ERAP1: variants seen among roughly 807,000 people sequenced by gnomAD.
The protein encoded by ERAP1 is endoplasmic reticulum aminopeptidase 1.
In ERAP1, 86 loss-of-function variants were observed where a neutral mutation model predicts 103.7. That is an observed-to-expected ratio of 0.83 (90% CI 0.70 to 0.99). ERAP1 has a LOEUF of 0.99. ERAP1 is among the 50% of genes least tolerant of loss of function. The probability of loss-of-function intolerance (pLI) is 0.00; values close to 1 mark genes in which losing one functional copy is unlikely to be tolerated. For synonymous variants in ERAP1, 398 were observed against 402.4 expected, an observed-to-expected ratio of 0.99 and a Z score of 0.13; for missense variants, 1,009 against 1,128.4, an observed-to-expected ratio of 0.89 and a Z score of 1.52.
chr5:96,822,683 C>T, the ERAP1 span, among the ~76,000 whole-genome samples: 1 of 103,856 alleles, frequency 9.6e-6, no homozygotes, highest in Non-Finnish European at 1.9e-5. Context: ...TGAGATCAGC[C>T]TTGGTAACAT....
chr5:96,922,094 C>G, the ERAP1 span, among the ~76,000 whole-genome samples: 2 of 150,914 alleles, frequency 1.3e-5, no homozygotes, highest in African/African-American at 4.9e-5. Flanking sequence ...GTCAGGAGAT[C>G]GAGACCATCC....
At chr5:96,912,917 C>A in the ERAP1 span, 2 of 761,118 alleles carry the variant, frequency 2.6e-6, no homozygotes, top group Non-Finnish European at 4.1e-6. Context: ...ATGTGTATGG[C>A]TTTAACTTTA....
the ERAP1 span, among the ~76,000 whole-genome samples, chr5:96,821,815 A>G: frequency 6.6e-6 from 1 of 152,200 alleles, no homozygotes; most frequent in African/African-American, 2.4e-5. Context: ...CTTAAATTAT[A>G]GGAAATCTTC....
chr5:96,831,534 TTTAA>T, the ERAP1 span, among the ~76,000 whole-genome samples: 1 of 152,226 alleles, frequency 6.6e-6, no homozygotes, highest in African/African-American at 2.4e-5. Context: ...AGCACGTTCC[TTTAA>T]TTAATTATAA....
At chr5:96,875,574 G>A in the ERAP1 span, among the ~76,000 whole-genome samples, 1 of 151,776 alleles carries the variant, frequency 6.6e-6, no homozygotes, top group Non-Finnish European at 1.5e-5. Flanking sequence ...AAATCAACAG[G>A]CTTTGGTAAC....
chr5:96,777,293 A>G (rs1774473730), intron 18 of ERAP1, among the ~76,000 whole-genome samples: 1 of 152,190 alleles, frequency 6.6e-6, no homozygotes, highest in Non-Finnish European at 1.5e-5. Context: ...AAGGGTTATT[A>G]TCCTTTTCCC....
the ERAP1 span, among the ~76,000 whole-genome samples, chr5:96,874,032 A>G: frequency 2.6e-5 from 4 of 151,802 alleles, no homozygotes; most frequent in Non-Finnish European, 5.9e-5. Flanking sequence ...GAAATGGAAA[A>G]CTGAGACATG....
chr5:96,810,030 G>A (rs763725212), upstream of ERAP1, among the ~76,000 whole-genome samples: 1 of 152,208 alleles, frequency 6.6e-6, no homozygotes, highest in Non-Finnish European at 1.5e-5. Flanking sequence ...GATGTGGGCA[G>A]AAAGGAGCTG....
the ERAP1 span, chr5:96,919,526 A>G: frequency 6.6e-6 from 1 of 152,340 alleles, no homozygotes. Context: ...GTTTCCATAA[A>G]TATGCAGAGT....
the ERAP1 span, among the ~76,000 whole-genome samples, chr5:96,821,574 A>G: frequency 6.6e-6 from 1 of 152,206 alleles, no homozygotes; most frequent in Non-Finnish European, 1.5e-5. Flanking sequence ...ATGACCAGGT[A>G]CTGTGGTCAT....
chr5:96,885,693 A>G, the ERAP1 span, among the ~76,000 whole-genome samples: 1 of 152,246 alleles, frequency 6.6e-6, no homozygotes, highest in Non-Finnish European at 1.5e-5. Flanking sequence ...GAAAGGGCTC[A>G]GGGATAGAGG....
the ERAP1 span, among the ~76,000 whole-genome samples, chr5:96,894,980 G>A: frequency 1.3e-5 from 2 of 151,946 alleles, no homozygotes; most frequent in African/African-American, 2.4e-5. Flanking sequence ...ACTAGGAAAT[G>A]TTGGGCAGAT....
In ERAP1 at chr5:96,787,232, T is replaced by C. The variant is rs189087946; in HGVS notation, c.1680-683A>G. 6.1e-4 allele frequency among the ~76,000 whole-genome samples: 93 copies of C among 152,342 alleles called. 1 individual carries two copies. The highest frequency in any genetic ancestry group is 2.0e-3 in the African/African-American group (82 of 41,576). ...TATTTCCCAATTTTGATAATTGTAC[T>C]GTGGCTATGGTTATATAACTGAATG... On this transcript the variant is annotated intron_variant, in intron 11 of 18. Coordinates refer to ENST00000443439, the MANE Select transcript of ERAP1 (RefSeq NM_001040458.3).
At chr5:96,879,932 C>A in the ERAP1 span, 1 of 1,614,150 alleles carries the variant, frequency 6.2e-7, no homozygotes, top group Non-Finnish European at 8.5e-7. Flanking sequence ...CCTCTTTGTC[C>A]ACCCCAATCT....
upstream of ERAP1, among the ~76,000 whole-genome samples, chr5:96,809,841 G>T (rs1430264108): frequency 6.6e-6 from 1 of 152,082 alleles, no homozygotes; most frequent in Non-Finnish European, 1.5e-5. Context: ...TTATATTTTT[G>T]AATATGATGG....
the ERAP1 span, among the ~76,000 whole-genome samples, chr5:96,894,969 A>C: frequency 9.9e-5 from 15 of 152,120 alleles, no homozygotes; most frequent in African/African-American, 3.4e-4. Context: ...TAAATCTAAT[A>C]ACTAGGAAAT....
Position 96,765,213 on chromosome 5 carries a change from CT to C in ERAP1, c.2819-1986del. 2 of 1,542,482 alleles carry C rather than the reference CT, an allele frequency of 1.3e-6. No homozygotes were observed. Among genetic ancestry groups the C allele is most frequent in the Non-Finnish European group, 1.8e-6 (2 of 1,121,932 alleles). Reference sequence around the variant, plus strand: ...TGAGTGACTAATTCAGCATTATTTACTTTTCAGCAGAGTGACAAAGACCTCG... The same window carrying C: ...TGAGTGACTAATTCAGCATTATTTACTTTCAGCAGAGTGACAAAGACCTCG... On this transcript the variant is annotated intron_variant, in intron 19 of 19. Transcript: ENST00000296754.
At chr5:96,875,535 CA>C in the ERAP1 span, among the ~76,000 whole-genome samples, 84,014 of 134,754 alleles carry the variant, frequency 0.62, 24,831 homozygotes, top group Middle Eastern at 0.72. Flanking sequence ...GACCCTATCT[CA>C]AAAAAAAAAA....
chr5:96,859,444 T>C, the ERAP1 span, among the ~76,000 whole-genome samples: 1 of 152,082 alleles, frequency 6.6e-6, no homozygotes, highest in Non-Finnish European at 1.5e-5. Flanking sequence ...TGTGCTGGGA[T>C]ACTAGATTGG....
Sources: allele counts gnomAD v4.1 joint callset (sites outside exome capture counted in the v4.1 genomes callset), GRCh38; gene constraint gnomAD v4.1.1; transcripts MANE v1.5; gene names NCBI Gene and HGNC (gene_info 2026-07-23, HGNC 2026-07-21).